Variants in SEPTIN7 observed in about 807,000 individuals in gnomAD.
SEPTIN7 encodes septin 7.
Under a neutral mutation model 63.3 loss-of-function variants are expected in SEPTIN7, and 10 were observed. That is an observed-to-expected ratio of 0.16 (90% CI 0.10 to 0.27). The LOEUF is 0.27. Ranked by LOEUF, SEPTIN7 falls within the 10% of genes least tolerant of loss-of-function variation. SEPTIN7 has a pLI of 1.00. For missense variants in SEPTIN7, 310 were observed against 521.0 expected (o/e 0.59, Z 3.94); for synonymous variants, 131 against 165.3 (o/e 0.79, Z 1.59).
intron 11 of SEPTIN7, among the ~76,000 whole-genome samples, chr7:35,893,695 A>G (rs1285274213): frequency 1.3e-5 from 2 of 152,210 alleles, no homozygotes; most frequent in Admixed American, 6.5e-5. Context: ...AGTCTATTGA[A>G]ACATGAAGTA....
chr7:35,858,133 C>T (rs1042540227), intron 3 of SEPTIN7, among the ~76,000 whole-genome samples: 1 of 151,778 alleles, frequency 6.6e-6, no homozygotes, highest in African/African-American at 2.4e-5. Context: ...TTAATAGAGA[C>T]AGGGTTTTGC....
chr7:35,861,085 C>T (rs547423978), intron 3 of SEPTIN7, among the ~76,000 whole-genome samples: 7 of 152,228 alleles, frequency 4.6e-5, no homozygotes, highest in African/African-American at 1.7e-4. Flanking sequence ...TTTGCCTACT[C>T]AGTTCTGCTA....
intron 1 of SEPTIN7, among the ~76,000 whole-genome samples, chr7:35,817,797 A>C (rs969556944): frequency 6.6e-6 from 1 of 151,732 alleles, no homozygotes; most frequent in African/African-American, 2.4e-5. Flanking sequence ...TGATGCTATC[A>C]CAGATGGAAT....
chr7:35,911,199 T>C (rs1356874570), downstream of SEPTIN7, among the ~76,000 whole-genome samples: 5 of 152,192 alleles, frequency 3.3e-5, no homozygotes, highest in Non-Finnish European at 7.3e-5. Context: ...AGTAATTTAA[T>C]GGTAGCTATG....
At position 35,822,512 on chromosome 7, in the gene SEPTIN7, C is replaced by T. The variant is rs117043012; in HGVS notation, c.62-8980C>T. On this transcript the variant is annotated intron_variant, in intron 1 of 13. Transcript: ENST00000350320. ...AACAGTTCACAATAGGGTTCACTCT[C>T]CAATGAGAATCTAATGCTGCCGCTG... is the stretch of plus-strand genomic sequence containing the variant. Among the ~76,000 whole-genome samples, 1,377 of 152,230 alleles carry T rather than the reference C, an allele frequency of 9.0e-3. 28 individuals are homozygous for T. Among genetic ancestry groups the T allele is most frequent in the East Asian group, 0.08 (414 of 5,166 alleles).
chr7:35,851,939 TC>T (rs1389204904), intron 3 of SEPTIN7, among the ~76,000 whole-genome samples: 4 of 152,206 alleles, frequency 2.6e-5, no homozygotes, highest in African/African-American at 9.6e-5. Context: ...CCCTTTAGTG[TC>T]AATAAATTGC....
At chr7:35,913,571 C>T in the SEPTIN7 span, among the ~76,000 whole-genome samples, 4 of 148,484 alleles carry the variant, frequency 2.7e-5, no homozygotes. Context: ...TTCTTTCTTT[C>T]CTTCCTTCCT....
At chr7:35,801,748 C>G (rs1299505219) in intron 1 of SEPTIN7, among the ~76,000 whole-genome samples, 2 of 151,674 alleles carry the variant, frequency 1.3e-5, no homozygotes, top group Non-Finnish European at 2.9e-5. Flanking sequence ...CGAGTGTGAA[C>G]GCTCGGGCGA....
At chr7:35,823,256 C>T (rs1783321925) in intron 1 of SEPTIN7, among the ~76,000 whole-genome samples, 1 of 152,096 alleles carries the variant, frequency 6.6e-6, no homozygotes, top group African/African-American at 2.4e-5. Flanking sequence ...GGCTGGAGTA[C>T]AATAGCGTGA....
At chr7:35,811,148 C>A (rs1414837708) in intron 1 of SEPTIN7, among the ~76,000 whole-genome samples, 1 of 152,004 alleles carries the variant, frequency 6.6e-6, no homozygotes, top group Non-Finnish European at 1.5e-5. Context: ...TGAATGAGAT[C>A]ATTATTTGTG....
chr7:35,826,743 T>G (rs1389575873), intron 1 of SEPTIN7, among the ~76,000 whole-genome samples: 10 of 152,122 alleles, frequency 6.6e-5, no homozygotes, highest in Non-Finnish European at 1.3e-4. Context: ...AAAGCATATT[T>G]AATAGTTTTC....
At chr7:35,801,640 C>T (rs1380243029) in intron 1 of SEPTIN7, among the ~76,000 whole-genome samples, 1 of 152,134 alleles carries the variant, frequency 6.6e-6, no homozygotes, top group African/African-American at 2.4e-5. Context: ...CTCCCGGGCC[C>T]GCCGGCTTCC....
intron 1 of SEPTIN7, among the ~76,000 whole-genome samples, chr7:35,829,871 T>C (rs939421068): frequency 6.6e-6 from 1 of 151,936 alleles, no homozygotes; most frequent in African/African-American, 2.4e-5. Context: ...GCAGGCCTTT[T>C]TGAAGGTGAC....
At chr7:35,875,646 TTAAAA>T (rs1220396577) in intron 6 of SEPTIN7, among the ~76,000 whole-genome samples, 1 of 152,220 alleles carries the variant, frequency 6.6e-6, no homozygotes, top group Non-Finnish European at 1.5e-5. Flanking sequence ...GTAATTGTTA[TTAAAA>T]TAAAAAACTG....
At chr7:35,860,081 A>G (rs1398362667) in intron 3 of SEPTIN7, among the ~76,000 whole-genome samples, 2 of 143,904 alleles carry the variant, frequency 1.4e-5, no homozygotes, top group Non-Finnish European at 3.1e-5. Flanking sequence ...TGTTTACTTG[A>G]TTTTTTGTAG....
At chr7:35,808,037 G>C (rs1431796984) in intron 1 of SEPTIN7, among the ~76,000 whole-genome samples, 1 of 151,846 alleles carries the variant, frequency 6.6e-6, no homozygotes, top group Non-Finnish European at 1.5e-5. Flanking sequence ...TGGTCAGGCT[G>C]GTCTCTCCTG....
chr7:35,829,027 C>T (rs1230322350), intron 1 of SEPTIN7, among the ~76,000 whole-genome samples: 1 of 151,970 alleles, frequency 6.6e-6, no homozygotes, highest in African/African-American at 2.4e-5. Context: ...CCTACTTTGG[C>T]TGAGTCCCAA....
chr7:35,806,792 C>G (rs1039871803), intron 1 of SEPTIN7, among the ~76,000 whole-genome samples: 39 of 152,106 alleles, frequency 2.6e-4, no homozygotes, highest in African/African-American at 8.9e-4. Flanking sequence ...TTCTGGGTAA[C>G]TTTCTAAAGT....
In SEPTIN7 at chr7:35,884,971, A is replaced by G. The variant is rs373727183; in HGVS notation, c.821-857A>G. Among the ~76,000 whole-genome samples, 15 of 152,168 alleles carry G rather than the reference A, an allele frequency of 9.9e-5. No homozygotes were observed. In the South Asian group the frequency reaches 2.9e-3, roughly 29 times the overall value. On this transcript the variant is annotated intron_variant, in intron 9 of 13. Transcript: ENST00000350320. The stretch of plus-strand genomic sequence containing the variant: ...TGTATTATAGTAAGCTGAAACCAAA[A>G]TTGAGATTTGATTGTTTTATCTGTT...
Sources: allele counts gnomAD v4.1 joint callset (sites outside exome capture counted in the v4.1 genomes callset), GRCh38; gene constraint gnomAD v4.1.1; transcripts MANE v1.5; gene names NCBI Gene and HGNC (gene_info 2026-07-23, HGNC 2026-07-21).